AADACL4: variants seen among roughly 807,000 people sequenced by gnomAD.
AADACL4 encodes the protein arylacetamide deacetylase like 4, also known as arylacetamide deacetylase-like 4.
Under a neutral mutation model 14.1 loss-of-function variants are expected in AADACL4, and 9 were observed. The observed-to-expected ratio is 0.64, with a 90% CI of 0.39 to 1.12. The LOEUF is 1.12. AADACL4 is among the 50% of genes most tolerant of loss of function. The probability of loss-of-function intolerance (pLI) is 0.01; values close to 1 mark genes in which losing one functional copy is unlikely to be tolerated. For missense variants in AADACL4, 531 were observed against 516.1 expected, an observed-to-expected ratio of 1.03 and a Z score of -0.28; for synonymous variants, 188 against 201.6, an observed-to-expected ratio of 0.93 and a Z score of 0.57.
At chr1:12,645,013 C>T (rs1647101483) in intron 1 of AADACL4, among the ~76,000 whole-genome samples, 1 of 145,324 alleles carries the variant, frequency 6.9e-6, no homozygotes, top group Non-Finnish European at 1.5e-5. Context: ...CTCCTTCCTC[C>T]TTCCCTCATT....
chr1:12,656,570 C>T (rs1647180046), intron 2 of AADACL4, among the ~76,000 whole-genome samples: 1 of 152,174 alleles, frequency 6.6e-6, no homozygotes, highest in African/African-American at 2.4e-5. Context: ...GCCTACCCTG[C>T]TGCGTCTAAA....
In AADACL4 at chr1:12,655,081, G is replaced by A. The variant is rs116202735; in HGVS notation, c.385+3742G>A. Among the ~76,000 whole-genome samples the A allele has an allele frequency of 2.9e-3, 440 of 152,150 alleles. 1 individual carries two copies. Among genetic ancestry groups the A allele is most frequent in the Non-Finnish European group, 4.8e-3 (329 of 68,012 alleles). On this transcript the variant is annotated intron_variant, in intron 2 of 3. Coordinates refer to ENST00000376221, the MANE Select transcript of AADACL4 (RefSeq NM_001013630.2). ...TCATCCGTTGTTGGGTCAGGGTCTC[G>A]CACATCCCAACAAACAAATGGGACA...
rs1557554233 is a variant in AADACL4, at chr1:12,666,497, A to C, written c.986A>C (p.Asp329Ala). The change falls in exon 4 of 4, where the codon GAT becomes GCT. Residue 329 changes from aspartate to alanine, a missense_variant. Asp to Ala is a moderately radical substitution (Grantham distance 126, BLOSUM62 -2). Transcript: ENST00000376221. ...GTAGAAAATTCACCCCTGATAGCAG[A>C]TGATGAGGTCATCGCTCAGCTTCCT... ...LDVENSPLIA[D>A]DEVIAQLPEA... The C allele has an allele frequency of 6.2e-7, 1 of 1,614,204 alleles. No homozygotes were observed. The highest frequency in any genetic ancestry group is 1.7e-5 in the Admixed American group (1 of 60,026).
chr1:12,661,723 TGG>T, intron 2 of AADACL4, 66 bp from the exon 3 acceptor site: 1 of 1,489,832 alleles, frequency 6.7e-7, no homozygotes, highest in Non-Finnish European at 9.4e-7. Flanking sequence ...TGGCTCTTCC[TGG>T]GGGCTGTGGT....
At chr1:12,662,005 A>G in intron 3 of AADACL4, 151 bp downstream of exon 3, 2 of 852,030 alleles carry the variant, frequency 2.3e-6, no homozygotes, top group Non-Finnish European at 3.7e-6. Flanking sequence ...TGCTCGAAAG[A>G]GCAAAAACCT....
At chr1:12,651,061 G>C in intron 1 of AADACL4, 62 bp from the exon 2 acceptor site, 1 of 1,489,060 alleles carries the variant, frequency 6.7e-7, no homozygotes, top group Non-Finnish European at 9.4e-7. Context: ...AAGTGTCAGG[G>C]AATCTACCAT....
chr1:12,660,719 C>A (rs1196910118), intron 2 of AADACL4, among the ~76,000 whole-genome samples: 1 of 152,150 alleles, frequency 6.6e-6, no homozygotes, highest in Admixed American at 6.5e-5. Flanking sequence ...TCTCGGCTCA[C>A]TGCAACCTCC....
intron 2 of AADACL4, 63 bp from the exon 3 acceptor site, chr1:12,661,728 G>C (rs118115612): frequency 6.7e-7 from 1 of 1,503,140 alleles, no homozygotes; most frequent in East Asian, 2.3e-5. Context: ...CTTCCTGGGG[G>C]CTGTGGTGAG....
intron 3 of AADACL4, among the ~76,000 whole-genome samples, chr1:12,665,005 G>A (rs2100771570): frequency 6.6e-6 from 1 of 152,166 alleles, no homozygotes; most frequent in South Asian, 2.1e-4. Flanking sequence ...TGAGCTGTGG[G>A]TTTCCAGGCT....
At position 12,651,278 on chromosome 1, in the gene AADACL4, C is replaced by T. The variant is rs143255175; in HGVS notation, c.324C>T (p.Ser108=). Residue 108 remains serine (S), a synonymous_variant, in exon 2 of 4, where the codon TCC becomes TCT. Coordinates refer to ENST00000376221, the MANE Select transcript of AADACL4 (RefSeq NM_001013630.2). ...PVRLFQPKAA[S]SRPRRGIIFY... is the part of the protein sequence containing the mutation. ...GGCTGTTCCAGCCGAAGGCAGCATCCTCCAGACCCCGGCGAGGCATCATCT... is the reference window on the plus strand; with the variant it reads ...GGCTGTTCCAGCCGAAGGCAGCATCTTCCAGACCCCGGCGAGGCATCATCT... The T allele has an allele frequency of 2.5e-6, 4 of 1,614,208 alleles. No homozygotes were observed. Among genetic ancestry groups the T allele is most frequent in the Non-Finnish European group, 3.4e-6 (4 of 1,180,048 alleles).
chr1:12,651,083 C>G, intron 1 of AADACL4, 40 bp from the exon 2 acceptor site: 1 of 1,576,352 alleles, frequency 6.3e-7, no homozygotes, highest in Non-Finnish European at 8.7e-7. Context: ...CAGATTCTAA[C>G]CTCTCCTAAC....
At chr1:12,659,980 G>A (rs1360108718) in intron 2 of AADACL4, among the ~76,000 whole-genome samples, 1 of 152,172 alleles carries the variant, frequency 6.6e-6, no homozygotes, top group Admixed American at 6.5e-5. Context: ...CACCATGCCT[G>A]GCTAATTTTT....
At chr1:12,654,537 G>A (rs1247779371) in intron 2 of AADACL4, among the ~76,000 whole-genome samples, 1 of 152,176 alleles carries the variant, frequency 6.6e-6, no homozygotes, top group Non-Finnish European at 1.5e-5. Flanking sequence ...AGCAAGCATT[G>A]CCGATAAGGA....
chr1:12,661,591 TC>T (rs1436600954), intron 2 of AADACL4, among the ~76,000 whole-genome samples, 199 bp from the exon 3 acceptor site: 2 of 152,018 alleles, frequency 1.3e-5, no homozygotes, highest in African/African-American at 2.4e-5. Flanking sequence ...TGAATTTGAG[TC>T]CCAAAATTCA....
intron 3 of AADACL4, among the ~76,000 whole-genome samples, chr1:12,663,975 A>G (rs1040569026): frequency 6.6e-6 from 1 of 152,240 alleles, no homozygotes; most frequent in African/African-American, 2.4e-5. Flanking sequence ...GCTGCAATCA[A>G]TCAAACTCTA....
chr1:12,644,769 G>A lies in AADACL4; in HGVS notation c.168+55G>A, dbSNP rs551245867. ...CTGGGGGCTTCTTCTCTTGTTCTCAGTACCTTACCCTCTTTTCCCTCTTTC... is the reference window on the plus strand; with the variant it reads ...CTGGGGGCTTCTTCTCTTGTTCTCAATACCTTACCCTCTTTTCCCTCTTTC... On this transcript the variant is annotated intron_variant, in intron 1 of 3. Transcript: ENST00000376221. 2.6e-6 allele frequency: 4 copies of A among 1,560,438 alleles called. No individual in the cohort carries two copies. The South Asian group carries it at 3.4e-5, about 13-fold the overall frequency.
At chr1:12,644,985 TTCCTTCCC>T (rs1414572821) in intron 1 of AADACL4, among the ~76,000 whole-genome samples, 6 of 145,540 alleles carry the variant, frequency 4.1e-5, no homozygotes, top group Admixed American at 1.4e-4. Flanking sequence ...TTTTCCTTCT[TTCCTTCCC>T]TCCTTCCCTC....
chr1:12,652,234 CCT>C lies in AADACL4; in HGVS notation c.385+896_385+897del, dbSNP rs1477570293. On this transcript the variant is annotated intron_variant, in intron 2 of 3. Transcript: ENST00000376221. ...TCCTCCCACAGCCTCACCCGGGTCA[CCT>C]GTGGTGTCCTTTACCCGTTCACTCA... Among the ~76,000 whole-genome samples the C allele has an allele frequency of 2.0e-5, 3 of 152,158 alleles. No homozygotes were observed. In the East Asian group the frequency reaches 5.8e-4, roughly 29 times the overall value.
At chr1:12,648,885 C>A (rs181569495) in intron 1 of AADACL4, among the ~76,000 whole-genome samples, 2 of 152,150 alleles carry the variant, frequency 1.3e-5, no homozygotes, top group Non-Finnish European at 2.9e-5. Flanking sequence ...CACGGTACAG[C>A]GTGATGTTAA....
Sources: gnomAD v4.1 joint callset for allele counts (sites outside exome capture counted in the v4.1 genomes callset) on GRCh38, gnomAD v4.1.1 for gene constraint, MANE v1.5 for transcripts, NCBI Gene and HGNC (gene_info 2026-07-23, HGNC 2026-07-21) for gene names.